Variants in MLYCD observed in about 807,000 individuals in gnomAD.
The protein encoded by MLYCD is malonyl-CoA decarboxylase, also known as malonyl-CoA decarboxylase, mitochondrial.
MLYCD carries 27 observed loss-of-function variants against 35.8 expected under a neutral mutation model. That is an observed-to-expected ratio of 0.75 (90% CI 0.56 to 1.04). The LOEUF (loss-of-function observed/expected upper bound fraction) is 1.04, where lower values mean the gene tolerates loss of function less well. Ranked by LOEUF, MLYCD falls within the 50% of genes least tolerant of loss-of-function variation. The pLI, the probability that MLYCD is intolerant of heterozygous loss-of-function variation, is 0.00. For synonymous variants in MLYCD, 403 were observed against 302.4 expected (o/e 1.33, Z -3.45); for missense variants, 917 against 665.1 (o/e 1.38, Z -4.17).
In MLYCD at chr16:83,899,309, G is replaced by C; in HGVS notation, c.165G>C (p.Glu55Asp). 1 of 1,491,338 alleles carries C rather than the reference G, an allele frequency of 6.7e-7. No homozygotes were observed. The highest frequency in any genetic ancestry group is 8.9e-7 in the Non-Finnish European group (1 of 1,127,314). 92.4% of individuals were successfully genotyped at this position (1,491,338 alleles called of 1,614,324 possible). ...RRAVPPTPAY[E>D]LREKTPAPAE... ...CGGTGCCGCCGACGCCGGCCTACGA[G>C]CTGCGCGAGAAGACACCGGCGCCCG... Residue 55 changes from glutamate to aspartate, a missense_variant, in exon 1 of 5, where the codon GAG becomes GAC. By Grantham distance (45) the Glu-to-Asp change is conservative. Coordinates refer to ENST00000262430, the MANE Select transcript of MLYCD (RefSeq NM_012213.3).
chr16:83,904,601 A>C (rs376693382), intron 1 of MLYCD, among the ~76,000 whole-genome samples: 6 of 152,354 alleles, frequency 3.9e-5, no homozygotes, highest in African/African-American at 1.2e-4. Context: ...CGAACTATAA[A>C]AATGAATCAG....
Position 83,915,147 on chromosome 16 carries a change from C to G in MLYCD, c.1140C>G (p.Ser380Arg). ...ACGAGACCCTCAAGCTCCTCCTCAG[C>G]AGCAGCGAGTGGGTGCAGTCGGAGA... is the stretch of plus-strand genomic sequence containing the variant. ...PINETLKLLL[S>R]SSEWVQSEKL... Residue 380 changes from serine (S) to arginine (R), a missense_variant, in exon 5 of 5, where the codon AGC (serine) becomes AGG (arginine). Physicochemically the swap from Ser to Arg is moderately radical, Grantham distance 110 (BLOSUM62 -1). Coordinates refer to ENST00000262430, the MANE Select transcript of MLYCD (RefSeq NM_012213.3). The G allele has an allele frequency of 6.2e-7, 1 of 1,614,262 alleles. No homozygotes were observed. Among genetic ancestry groups the G allele is most frequent in the South Asian group, 1.1e-5 (1 of 91,092 alleles).
At position 83,915,146 on chromosome 16, in the gene MLYCD, G is replaced by T; in HGVS notation, c.1139G>T (p.Ser380Ile). ...PINETLKLLL[S>I]SSEWVQSEKL... ...AACGAGACCCTCAAGCTCCTCCTCA[G>T]CAGCAGCGAGTGGGTGCAGTCGGAG... Residue 380 changes from serine to isoleucine, a missense_variant, in exon 5 of 5, where the codon AGC becomes ATC. By Grantham distance (142) the Ser-to-Ile change is moderately radical. Coordinates refer to ENST00000262430, the MANE Select transcript of MLYCD (RefSeq NM_012213.3). The T allele has an allele frequency of 1.2e-6, 2 of 1,614,234 alleles. No homozygotes were observed. The highest frequency in any genetic ancestry group is 2.2e-5 in the South Asian group (2 of 91,090).
chr16:83,910,103 G>A (rs183744618), intron 3 of MLYCD, among the ~76,000 whole-genome samples: 109 of 152,146 alleles, frequency 7.2e-4, no homozygotes, highest in South Asian at 4.1e-4. Flanking sequence ...ATTTGTGTGC[G>A]TACCGAGAGC....
chr16:83,914,991 GTCACCTATACCTGGTT>G lies in MLYCD; in HGVS notation c.990_1005del (p.Ile331AsnfsTer7). The G allele has an allele frequency of 6.2e-7, 1 of 1,614,234 alleles. No homozygotes were observed. The highest frequency in any genetic ancestry group is 8.5e-7 in the Non-Finnish European group (1 of 1,180,052). ...CTCACCTTGGGGTGTTTTCAAGTCT[GTCACCTATACCTGGTT>G]TCACCAAATGGCTTCTGGGGCTTCT... On this transcript the variant is annotated frameshift_variant, in exon 5 of 5. Transcript: ENST00000262430. LOFTEE classifies it high-confidence loss of function.
intron 2 of MLYCD, among the ~76,000 whole-genome samples, chr16:83,907,540 G>C (rs1178440649): frequency 6.6e-6 from 1 of 152,158 alleles, no homozygotes; most frequent in Admixed American, 6.5e-5. Flanking sequence ...GTTACATCCA[G>C]GACCCGTATG....
At chr16:83,902,156 T>TGC (rs1491301786) in intron 1 of MLYCD, among the ~76,000 whole-genome samples, 4 of 33,416 alleles carry the variant, frequency 1.2e-4, no homozygotes, top group South Asian at 2.0e-3. Context: ...TGTGCGTGCG[T>TGC]ATATATATAT....
rs894993200 is a variant in MLYCD at position 83,925,720 on chromosome 16, C to G, written c.*10231C>G. On this transcript the variant is annotated 3_prime_UTR_variant, in exon 5 of 5. Coordinates refer to ENST00000262430, the MANE Select transcript of MLYCD (RefSeq NM_012213.3). ...CAGTCTGGGACTCCCTGTCCTCCCT[C>G]CTTCCTGCGTGGCACATGCTCCTCC... 2.0e-5 allele frequency: 3 copies of G among 152,850 alleles called. No homozygotes were observed. The highest frequency in any genetic ancestry group is 2.9e-5 in the Non-Finnish European group (2 of 68,406). The allele number at this position is 152,850 out of a possible 1,614,324, so 9.5% of individuals were successfully genotyped here. A position where few individuals can be genotyped will look rare whatever the true frequency, so the allele number is the denominator to read the frequency against.
rs535530836 is a variant in MLYCD at position 83,916,984 on chromosome 16, CTG to C, written c.*1500_*1501del. On this transcript the variant is annotated 3_prime_UTR_variant, in exon 5 of 5. Coordinates refer to ENST00000262430, the MANE Select transcript of MLYCD (RefSeq NM_012213.3). ...GCGTTCTATGTGGATCAGTGCACGCCTGTGTGCGTGTGCACGAGCGTCTCTGT... is the reference window on the plus strand; with the variant it reads ...GCGTTCTATGTGGATCAGTGCACGCCTGTGCGTGTGCACGAGCGTCTCTGT... 28 of 121,028 alleles carry C rather than the reference CTG, an allele frequency of 2.3e-4. No individual in the cohort carries two copies. The highest frequency in any genetic ancestry group is 4.5e-4 in the Admixed American group (5 of 11,136). The allele number at this position is 121,028 out of a possible 1,614,324, so 7.5% of individuals were successfully genotyped here.
At chr16:83,913,369 G>T (rs1480931168) in intron 4 of MLYCD, 4 of 152,472 alleles carry the variant, frequency 2.6e-5, no homozygotes, top group Admixed American at 2.6e-4. Context: ...AGGAAGGCAG[G>T]AAGAGGAGGA....
rs1907363687 is a variant in MLYCD at position 83,915,784 on chromosome 16, C to G, written c.*295C>G. 22 of 1,305,836 alleles carry G rather than the reference C, an allele frequency of 1.7e-5. No homozygotes were observed. The South Asian group carries it at 3.4e-4, about 20-fold the overall frequency. The allele number at this position is 1,305,836 out of a possible 1,614,324, so 80.9% of individuals were successfully genotyped here. ...CCTGGCTCCCTGCCCGGGGCTGGTG[C>G]TGTGGTACCTACATCTTCAGGAAGC... On this transcript the variant is annotated 3_prime_UTR_variant, in exon 5 of 5. Coordinates refer to ENST00000262430, the MANE Select transcript of MLYCD (RefSeq NM_012213.3).
rs911959718 is a variant in MLYCD at position 83,920,173 on chromosome 16, A to G, written c.*4684A>G. On this transcript the variant is annotated 3_prime_UTR_variant, in exon 5 of 5. Coordinates refer to ENST00000262430, the MANE Select transcript of MLYCD (RefSeq NM_012213.3). ...TGCACAGAACACACACCCTGTGCACAGTTTTGTTTTGTTTTGCTTTTGCAA... is the reference window on the plus strand; with the variant it reads ...TGCACAGAACACACACCCTGTGCACGGTTTTGTTTTGTTTTGCTTTTGCAA... The G allele has an allele frequency of 1.3e-5, 2 of 152,190 alleles. No homozygotes were observed. The highest frequency in any genetic ancestry group is 2.9e-5 in the Non-Finnish European group (2 of 68,038). 9.4% of individuals were successfully genotyped at this position (152,190 alleles called of 1,614,324 possible). A position where few individuals can be genotyped will look rare whatever the true frequency, so the allele number is the denominator to read the frequency against.
intron 4 of MLYCD, chr16:83,913,703 A>G (rs1190583459): frequency 6.6e-6 from 1 of 151,402 alleles, no homozygotes; most frequent in Non-Finnish European, 1.5e-5. Context: ...AGTCCCAGCT[A>G]CTCGGGAGGC....
rs886052360 is a variant in MLYCD, at chr16:83,915,702, G to A, written c.*213G>A. 3.3e-5 allele frequency: 47 copies of A among 1,442,064 alleles called. No homozygotes were observed. The highest frequency in any genetic ancestry group is 2.8e-4 in the East Asian group (11 of 38,960). 89.3% of individuals were successfully genotyped at this position (1,442,064 alleles called of 1,614,324 possible). On this transcript the variant is annotated 3_prime_UTR_variant, in exon 5 of 5. Transcript: ENST00000262430. ...GTGCAAGACGGTTGTGGGTGCGGGTGCACACAAATGAGTGGGTTGCTGTGC... is the reference window on the plus strand; with the variant it reads ...GTGCAAGACGGTTGTGGGTGCGGGTACACACAAATGAGTGGGTTGCTGTGC...
At position 83,907,089 on chromosome 16, in the gene MLYCD, A is replaced by G. The variant is rs1391303615; in HGVS notation, c.631A>G (p.Lys211Glu). 2 of 1,612,482 alleles carry G rather than the reference A, an allele frequency of 1.2e-6. No individual in the cohort carries two copies. The highest frequency in any genetic ancestry group is 2.7e-5 in the African/African-American group (2 of 74,894). The change falls in exon 2 of 5, where the codon AAA (lysine) becomes GAA (glutamate). Residue 211 changes from lysine (K) to glutamate (E), a missense_variant. Lys to Glu is a moderately conservative substitution (Grantham distance 56, BLOSUM62 1). Transcript: ENST00000262430. ...TWHSPCEVLQ[K>E]ISEAEAVHPV... ...GCATTCACCGTGTGAAGTGCTTCAGAAAATCAGTGAGTAAGTATTACGGTT... is the reference window on the plus strand; with the variant it reads ...GCATTCACCGTGTGAAGTGCTTCAGGAAATCAGTGAGTAAGTATTACGGTT...
intron 4 of MLYCD, chr16:83,913,306 T>A (rs1907247569): frequency 6.6e-6 from 1 of 152,256 alleles, no homozygotes; most frequent in Non-Finnish European, 1.5e-5. Flanking sequence ...CATTCCTCTG[T>A]CTTCACTGAG....
rs1374397849 is a variant in MLYCD at position 83,918,987 on chromosome 16, C to T, written c.*3498C>T. 6.8e-6 allele frequency: 1 copy of T among 146,416 alleles called. No individual in the cohort carries two copies. Among genetic ancestry groups the T allele is most frequent in the Non-Finnish European group, 1.5e-5 (1 of 66,852 alleles). The allele number at this position is 146,416 out of a possible 1,614,324, so 9.1% of individuals were successfully genotyped here. A position where few individuals can be genotyped will look rare whatever the true frequency, so the allele number is the denominator to read the frequency against. ...AGCACAGACACAGTGCACAGGAGAACCACACAATGTACAGGAGAATACGCA... is the reference window on the plus strand; with the variant it reads ...AGCACAGACACAGTGCACAGGAGAATCACACAATGTACAGGAGAATACGCA... On this transcript the variant is annotated 3_prime_UTR_variant, in exon 5 of 5. Transcript: ENST00000262430.
chr16:83,912,223 C>T lies in MLYCD; in HGVS notation c.804C>T (p.Ile268=). 3.1e-6 allele frequency: 5 copies of T among 1,614,150 alleles called. No individual in the cohort carries two copies. Among genetic ancestry groups the T allele is most frequent in the African/African-American group, 1.3e-5 (1 of 75,056 alleles). Residue 268 remains isoleucine, a synonymous_variant, in exon 4 of 5, where the codon ATC becomes ATT. Transcript: ENST00000262430. The part of the protein sequence containing the change: ...TGDISSNIQA[I]VKEHPPSETE... ...CCATCGTTGGTGTTTTCCAGGCAAT[C>T]GTGAAGGAACATCCTCCATCAGAAA...
In MLYCD at chr16:83,926,832, C is replaced by T. The variant is rs972794091; in HGVS notation, c.*11343C>T. On this transcript the variant is annotated 3_prime_UTR_variant, in exon 5 of 5. Coordinates refer to ENST00000262430, the MANE Select transcript of MLYCD (RefSeq NM_012213.3). ...TCGCAAGCGCTGTGCACCCCGTCGC[C>T]GCGAGATGGCGGTGTTGCGCCCCTC... The T allele has an allele frequency of 6.6e-6, 1 of 152,164 alleles. No individual in the cohort carries two copies. The highest frequency in any genetic ancestry group is 2.4e-5 in the African/African-American group (1 of 41,446). The allele number at this position is 152,164 out of a possible 1,614,324, so 9.4% of individuals were successfully genotyped here.
Sources: gnomAD v4.1 joint callset for allele counts (sites outside exome capture counted in the v4.1 genomes callset) on GRCh38, gnomAD v4.1.1 for gene constraint, MANE v1.5 for transcripts, NCBI Gene and HGNC (gene_info 2026-07-23, HGNC 2026-07-21) for gene names.